Variants in WDR77 observed in about 807,000 individuals in gnomAD.
WDR77 encodes the protein WD repeat domain 77.
Under a neutral mutation model 44.0 loss-of-function variants are expected in WDR77, and 31 were observed. The ratio of observed to expected loss-of-function variants is 0.70; its 90% CI spans 0.53 to 0.95. WDR77 has a LOEUF of 0.95. WDR77 is among the 40% of genes least tolerant of loss of function. WDR77 has a pLI of 0.00. For missense variants in WDR77, 390 were observed against 423.9 expected, an observed-to-expected ratio of 0.92 and a Z score of 0.70; for synonymous variants, 186 against 165.7, an observed-to-expected ratio of 1.12 and a Z score of -0.94.
intron 8 of WDR77, 55 bp downstream of exon 8, chr1:111,442,598 C>T (rs1652859485): frequency 2.4e-6 from 3 of 1,247,906 alleles, no homozygotes; most frequent in Non-Finnish European, 3.3e-6. Flanking sequence ...CATACACACA[C>T]ACCCTCACGG....
Position 111,447,717 on chromosome 1 carries a change from G to C in WDR77, c.302-141C>G. ...TAAAAGCAAAGTCCACATCATTGGA[G>C]AGTTCAGCTAATTTCTGAGTCTTTG... On this transcript the variant is annotated intron_variant, in intron 2 of 9. Transcript: ENST00000235090. 6 of 979,282 alleles carry C rather than the reference G, an allele frequency of 6.1e-6. No homozygotes were observed. In the South Asian group the frequency reaches 9.4e-5, roughly 15 times the overall value. The allele number at this position is 979,282 out of a possible 1,614,324, so 60.7% of individuals were successfully genotyped here.
At chr1:111,449,006 C>G (rs1248178066) in intron 1 of WDR77, 49 bp downstream of exon 1, 2 of 1,545,760 alleles carry the variant, frequency 1.3e-6, no homozygotes, top group African/African-American at 2.7e-5. Context: ...CGGGGAGGGG[C>G]GCCCTGGGCC....
intron 4 of WDR77, among the ~76,000 whole-genome samples, chr1:111,445,091 T>C (rs1395301325): frequency 6.6e-6 from 1 of 152,240 alleles, no homozygotes; most frequent in African/African-American, 2.4e-5. Context: ...AATTACCTTC[T>C]CTGCAACTAC....
Position 111,444,228 on chromosome 1 carries a change from C to A in WDR77, c.494-104G>T, listed in dbSNP as rs12085562. ...GGGGCAGGAGGGAGGGAGGGCTGGT[C>A]TCATGATGCAATTTAACAAATTTTG... On this transcript the variant is annotated intron_variant, in intron 4 of 9. Transcript: ENST00000235090. 2,188 of 1,081,452 alleles carry A rather than the reference C, an allele frequency of 2.0e-3. 40 individuals carry two copies. The African/African-American group carries it at 0.031, about 15-fold the overall frequency. 67.0% of individuals were successfully genotyped at this position (1,081,452 alleles called of 1,614,324 possible).
In WDR77 at chr1:111,449,251, A is replaced by C; in HGVS notation, c.-82T>G. On this transcript the variant is annotated 5_prime_UTR_variant, in exon 1 of 10. Coordinates refer to ENST00000235090, the MANE Select transcript of WDR77 (RefSeq NM_024102.4). ...TCCGGCAGCAAACCCCACGTGGTGC[A>C]CCTCTGAGCCTCCGCCCCTCTCCCG... 4 of 1,536,300 alleles carry C rather than the reference A, an allele frequency of 2.6e-6. No individual in the cohort carries two copies. The highest frequency in any genetic ancestry group is 3.5e-6 in the Non-Finnish European group (4 of 1,146,952).
At chr1:111,448,877 G>T in intron 1 of WDR77, 73 bp from the exon 2 acceptor site, 1 of 1,547,046 alleles carries the variant, frequency 6.5e-7, no homozygotes. Flanking sequence ...ACAGAACAGC[G>T]TTCCGGCCGG....
intron 2 of WDR77, 140 bp downstream of exon 2, chr1:111,448,479 G>A: frequency 1.1e-6 from 1 of 920,744 alleles, no homozygotes; most frequent in Non-Finnish European, 1.7e-6. Context: ...ACAAGAGTTT[G>A]CATTCGGGGC....
chr1:111,444,195 AT>A (rs1190180006), intron 4 of WDR77, 71 bp from the exon 5 acceptor site: 7 of 1,484,020 alleles, frequency 4.7e-6, no homozygotes, highest in Non-Finnish European at 6.6e-6. Context: ...CAGCCCAGGA[AT>A]AATCAAGGGG....
In WDR77 at chr1:111,444,112, T is replaced by C. The variant is rs762241519; in HGVS notation, c.506A>G (p.Gln169Arg). 2 of 1,613,792 alleles carry C rather than the reference T, an allele frequency of 1.2e-6. No homozygotes were observed. Among genetic ancestry groups the C allele is most frequent in the Admixed American group, 3.3e-5 (2 of 60,012 alleles). ...VLSSYRAHAA[Q>R]VTCVAASPHK... ...AGGAGAGGCAGCAACACAAGTGACC[T>C]GAGCAGCATGAGCTATAAAGGAGAG... Residue 169 changes from glutamine to arginine, a missense_variant, in exon 5 of 10, where the codon CAG becomes CGG. Transcript: ENST00000235090.
At chr1:111,446,819 T>G in intron 4 of WDR77, 1 of 349,780 alleles carries the variant, frequency 2.9e-6, no homozygotes, top group East Asian at 5.1e-5. Flanking sequence ...AGGTAGTGAG[T>G]TATCTCAGTT....
chr1:111,445,564 A>G (rs1368834443), intron 4 of WDR77, among the ~76,000 whole-genome samples: 2 of 152,174 alleles, frequency 1.3e-5, no homozygotes, highest in African/African-American at 2.4e-5. Context: ...ATTTGAGACC[A>G]GCCTGGGCAA....
At chr1:111,442,482 T>A (rs942918583) in intron 8 of WDR77, among the ~76,000 whole-genome samples, 171 bp downstream of exon 8, 1 of 152,174 alleles carries the variant, frequency 6.6e-6, no homozygotes, top group Non-Finnish European at 1.5e-5. Context: ...ATCCTTTGAC[T>A]CCCAAAGGAT....
Position 111,444,259 on chromosome 1 carries a change from G to A in WDR77, c.494-135C>T, listed in dbSNP as rs984512149. 3.9e-6 allele frequency: 3 copies of A among 773,298 alleles called. No individual in the cohort carries two copies. The African/African-American group carries it at 5.3e-5, about 14-fold the overall frequency. 47.9% of individuals were successfully genotyped at this position (773,298 alleles called of 1,614,324 possible). On this transcript the variant is annotated intron_variant, in intron 4 of 9. Coordinates refer to ENST00000235090, the MANE Select transcript of WDR77 (RefSeq NM_024102.4). ...ATGCAATTTAACAAATTTTGTGGGA[G>A]ATTATGGATTAGACAAAAGCTAAGA... is the stretch of plus-strand genomic sequence containing the variant.
intron 9 of WDR77, 170 bp from the exon 10 acceptor site, chr1:111,441,559 C>A (rs1371730390): frequency 7.7e-7 from 1 of 1,300,656 alleles, no homozygotes; most frequent in East Asian, 2.9e-5. Flanking sequence ...CAGTGGATGT[C>A]ATCAGTCATC....
chr1:111,449,001 A>C (rs1405197493), intron 1 of WDR77, 54 bp downstream of exon 1: 1 of 1,544,070 alleles, frequency 6.5e-7, no homozygotes. Flanking sequence ...GTCTCCGGGG[A>C]GGGGCGCCCT....
chr1:111,447,006 G>A, intron 4 of WDR77, 89 bp downstream of exon 4: 1 of 1,320,996 alleles, frequency 7.6e-7, no homozygotes, highest in Non-Finnish European at 1.1e-6. Flanking sequence ...ATCAGAACAT[G>A]GAATTGCTGC....
intron 4 of WDR77, among the ~76,000 whole-genome samples, chr1:111,444,494 G>T (rs1457351442): frequency 1.3e-5 from 2 of 151,960 alleles, no homozygotes; most frequent in African/African-American, 4.8e-5. Context: ...AACTTTTGAG[G>T]GAGTTCTGGG....
At chr1:111,448,472 A>C (rs1653147937) in intron 2 of WDR77, 147 bp downstream of exon 2, 2 of 864,490 alleles carry the variant, frequency 2.3e-6, no homozygotes, top group Admixed American at 2.5e-5. Flanking sequence ...CACCTACACA[A>C]GAGTTTGCAT....
chr1:111,448,494 A>G, intron 2 of WDR77, 125 bp downstream of exon 2: 15 of 1,133,016 alleles, frequency 1.3e-5, no homozygotes, highest in Non-Finnish European at 1.8e-5. Flanking sequence ...CGGGGCCAAC[A>G]CTCTCAGGCT....
Sources: gnomAD v4.1 joint callset for allele counts (sites outside exome capture counted in the v4.1 genomes callset) on GRCh38, gnomAD v4.1.1 for gene constraint, MANE v1.5 for transcripts, NCBI Gene and HGNC (gene_info 2026-07-23, HGNC 2026-07-21) for gene names.